ZNF268: variants seen among roughly 807,000 people sequenced by gnomAD.
ZNF268 encodes zinc finger protein 3.
In ZNF268, 20 loss-of-function variants were observed where a neutral mutation model predicts 29.3. That is an observed-to-expected ratio of 0.68 (90% CI 0.48 to 0.99). The LOEUF is 0.99. Among genes scored for constraint, ZNF268 ranks in the 50% least tolerant of loss-of-function variants. The pLI is 0.00. For missense variants in ZNF268, 1,240 were observed against 1,121.6 expected (o/e 1.11, Z -1.51); for synonymous variants, 429 against 376.9 (o/e 1.14, Z -1.60).
Position 133,205,545 on chromosome 12 carries a change from C to G in ZNF268, c.*1015C>G, listed in dbSNP as rs1163301130. ...TGACAATATCATCTTCCAGAGATTT[C>G]TACTCTGCATACCAACATTGTTTCT... On this transcript the variant is annotated 3_prime_UTR_variant, in exon 6 of 6. Transcript: ENST00000536435. 3 of 152,152 alleles carry G rather than the reference C, an allele frequency of 2.0e-5. No homozygotes were observed. Among genetic ancestry groups the G allele is most frequent in the African/African-American group, 7.2e-5 (3 of 41,432 alleles). The allele number at this position is 152,152 out of a possible 1,614,324, so 9.4% of individuals were successfully genotyped here.
chr12:133,190,443 A>T (rs113255806), intron 3 of ZNF268, among the ~76,000 whole-genome samples: 1,529 of 152,298 alleles, frequency 0.01, 32 homozygotes, highest in African/African-American at 0.035. Flanking sequence ...CTATTGCTCC[A>T]CATCCTCTCC....
intron 2 of ZNF268, among the ~76,000 whole-genome samples, chr12:133,184,296 G>T (rs538426710): frequency 4.0e-5 from 6 of 151,894 alleles, no homozygotes; most frequent in African/African-American, 1.4e-4. Flanking sequence ...TAGTAGAGAC[G>T]TGGTTTCATT....
At chr12:133,199,924 T>TTTTTTTC (rs1432305774) in intron 5 of ZNF268, among the ~76,000 whole-genome samples, 4 of 147,868 alleles carry the variant, frequency 2.7e-5, no homozygotes, top group East Asian at 2.2e-4. Flanking sequence ...ATTCTTCTCT[T>TTTTTTTC]TTTATTAGTC....
chr12:133,202,784 G>A lies in ZNF268; in HGVS notation c.1098G>A (p.Gly366=). ...ATCCCTATGAGTGCTGTGAATGTGG[G>A]AAAGTCTTCAGTAGGAAAGACCAGC... is the stretch of plus-strand genomic sequence containing the variant. ...GENPYECCEC[G]KVFSRKDQLV... is the part of the protein sequence containing the mutation. Residue 366 remains glycine (G), a synonymous_variant, in exon 6 of 6, where the codon GGG becomes GGA. Transcript: ENST00000536435. The A allele has an allele frequency of 1.2e-6, 2 of 1,610,062 alleles. No individual in the cohort carries two copies. The highest frequency in any genetic ancestry group is 1.7e-6 in the Non-Finnish European group (2 of 1,179,138).
At chr12:133,188,875 T>G (rs1159832610) in intron 3 of ZNF268, among the ~76,000 whole-genome samples, 2 of 152,200 alleles carry the variant, frequency 1.3e-5, no homozygotes, top group African/African-American at 4.8e-5. Flanking sequence ...TGCTTACTTT[T>G]GATGAACAGA....
intron 5 of ZNF268, 118 bp downstream of exon 5, chr12:133,192,121 T>A: frequency 1.2e-6 from 1 of 856,038 alleles, no homozygotes; most frequent in East Asian, 2.7e-5. Context: ...TTTTTTTTTT[T>A]TTTTGAGACA....
intron 1 of ZNF268, 23 bp from the exon 2 acceptor site, chr12:133,181,923 C>T: frequency 6.6e-7 from 1 of 1,515,052 alleles, no homozygotes; most frequent in Non-Finnish European, 9.0e-7. Flanking sequence ...TGACCTCTTT[C>T]TTCACTGTGC....
rs1957013599 is a variant in ZNF268 at position 133,213,415 on chromosome 12, G to C, written c.*8885G>C. On this transcript the variant is annotated 3_prime_UTR_variant, in exon 6 of 6. Coordinates refer to ENST00000536435, the MANE Select transcript of ZNF268 (RefSeq NM_003415.3). ...AAAGTGAAAAGGAGCTGGGTGTGGTGGCTCACGCCTGTAATTCCAGCACTT... is the reference window on the plus strand; with the variant it reads ...AAAGTGAAAAGGAGCTGGGTGTGGTCGCTCACGCCTGTAATTCCAGCACTT... 1 of 152,168 alleles carries C rather than the reference G, an allele frequency of 6.6e-6. No homozygotes were observed. The highest frequency in any genetic ancestry group is 2.4e-5 in the African/African-American group (1 of 41,428). 9.4% of individuals were successfully genotyped at this position (152,168 alleles called of 1,614,324 possible). A position where few individuals can be genotyped will look rare whatever the true frequency, so the allele number is the denominator to read the frequency against.
In ZNF268 at chr12:133,202,331, C is replaced by A; in HGVS notation, c.645C>A (p.Phe215Leu). The A allele has an allele frequency of 1.2e-6, 2 of 1,611,708 alleles. No homozygotes were observed. The highest frequency in any genetic ancestry group is 1.7e-6 in the Non-Finnish European group (2 of 1,178,892). Residue 215 changes from phenylalanine (F) to leucine (L), a missense_variant, in exon 6 of 6, where the codon TTC (phenylalanine) becomes TTA (leucine). Around this residue, in one of 3 missense-constraint regions of ZNF268, gnomAD observed 1,177 missense variants for 1,039.6 expected, o/e 1.13. Transcript: ENST00000536435. The stretch of plus-strand genomic sequence containing the variant: ...GAAAGAGTTTGAAATATATAGATTT[C>A]ACTAGTGATTATGCTAGAAATAATC... ...THGKSLKYID[F>L]TSDYARNNPN...
intron 5 of ZNF268, among the ~76,000 whole-genome samples, chr12:133,198,106 G>A (rs564540147): frequency 2.0e-5 from 3 of 151,468 alleles, no homozygotes; most frequent in Non-Finnish European, 4.4e-5. Context: ...TGAAGTCCTT[G>A]CCCATGCCTA....
chr12:133,202,148 A>G lies in ZNF268; in HGVS notation c.462A>G (p.Thr154=). The change falls in exon 6 of 6, where the codon ACA becomes ACG. Residue 154 remains threonine (T), a synonymous_variant. Coordinates refer to ENST00000536435, the MANE Select transcript of ZNF268 (RefSeq NM_003415.3). The part of the protein sequence containing the change: ...AQVPNQTCPN[T]VWKIDDLMDW... ...ACCAATTGTTCTCATTTCTAGACAC[A>G]GTCTGGAAAATTGATGATCTTATGG... is the stretch of plus-strand genomic sequence containing the variant. The G allele has an allele frequency of 1.3e-6, 2 of 1,575,226 alleles. No individual in the cohort carries two copies. The highest frequency in any genetic ancestry group is 1.7e-6 in the Non-Finnish European group (2 of 1,161,584).
In ZNF268 at chr12:133,204,094, C is replaced by G. The variant is rs1271466937; in HGVS notation, c.2408C>G (p.Ser803Ter). 16 of 1,548,368 alleles carry G rather than the reference C, an allele frequency of 1.0e-5. No individual in the cohort carries two copies. The highest frequency in any genetic ancestry group is 1.4e-5 in the African/African-American group (1 of 73,068). ...SYLIIHMRTH[S>*]GEKPYECNEC... ...CTAATTATACACATGAGAACTCATT[C>G]AGGTGAAAAACCATATGAATGTAAT... Residue 803 changes from serine (S) to a stop codon, truncating the protein, a stop_gained, in exon 6 of 6, where the codon TCA becomes TGA. Coordinates refer to ENST00000536435, the MANE Select transcript of ZNF268 (RefSeq NM_003415.3). LOFTEE classifies it low-confidence loss of function (END_TRUNC).
rs1013385190 is a variant in ZNF268 at position 133,211,207 on chromosome 12, A to AT, written c.*6678dup. The AT allele has an allele frequency of 2.3e-5, 6 of 260,342 alleles. No individual in the cohort carries two copies. In the African/African-American group the frequency reaches 4.2e-4, roughly 18 times the overall value. 16.1% of individuals were successfully genotyped at this position (260,342 alleles called of 1,614,324 possible). A position where few individuals can be genotyped will look rare whatever the true frequency, so the allele number is the denominator to read the frequency against. ...CTGAAAAAGTGTTTGTATGCAAAAT[A>AT]TAAAAAAAAAACCCTAAAATTGAAC... On this transcript the variant is annotated 3_prime_UTR_variant, in exon 6 of 6. Transcript: ENST00000536435.
In ZNF268 at chr12:133,211,184, GAA is replaced by G. The variant is rs1290568731; in HGVS notation, c.*6658_*6659del. 2.9e-6 allele frequency: 1 copy of G among 340,300 alleles called. No homozygotes were observed. The highest frequency in any genetic ancestry group is 5.7e-6 in the Non-Finnish European group (1 of 174,080). The allele number at this position is 340,300 out of a possible 1,614,324, so 21.1% of individuals were successfully genotyped here. On this transcript the variant is annotated 3_prime_UTR_variant, in exon 6 of 6. Transcript: ENST00000536435. ...TGAATAAAATCATTCAAAAAAATCT[GAA>G]AAAGTGTTTGTATGCAAAATATAAA...
intron 3 of ZNF268, among the ~76,000 whole-genome samples, chr12:133,191,067 A>C (rs535142942): frequency 6.6e-6 from 1 of 152,172 alleles, no homozygotes; most frequent in Non-Finnish European, 1.5e-5. Flanking sequence ...CTGTAATCCT[A>C]GCACTTTGGG....
Position 133,208,546 on chromosome 12 carries a change from TGAG to T in ZNF268, c.*4021_*4023del, listed in dbSNP as rs1956938621. 6.6e-6 allele frequency: 1 copy of T among 152,336 alleles called. No individual in the cohort carries two copies. The highest frequency in any genetic ancestry group is 1.9e-4 in the East Asian group (1 of 5,174). The allele number at this position is 152,336 out of a possible 1,614,324, so 9.4% of individuals were successfully genotyped here. The stretch of plus-strand genomic sequence containing the variant: ...GGCAAGTGCCGGTAGTCCCACCTAC[TGAG>T]GAGGCTGAGGCAGGAGGTTAGCTTG... On this transcript the variant is annotated 3_prime_UTR_variant, in exon 6 of 6. Coordinates refer to ENST00000536435, the MANE Select transcript of ZNF268 (RefSeq NM_003415.3).
rs1956980308 is a variant in ZNF268, at chr12:133,211,489, G to C, written c.*6959G>C. 1 of 167,420 alleles carries C rather than the reference G, an allele frequency of 6.0e-6. No homozygotes were observed. The highest frequency in any genetic ancestry group is 5.9e-5 in the Admixed American group (1 of 17,042). The allele number at this position is 167,420 out of a possible 1,614,324, so 10.4% of individuals were successfully genotyped here. A position where few individuals can be genotyped will look rare whatever the true frequency, so the allele number is the denominator to read the frequency against. ...AAGTGGTAGCTACTCCGGAGGCGGA[G>C]GCAGGAGAATGGCTTGAACCCGGGA... On this transcript the variant is annotated 3_prime_UTR_variant, in exon 6 of 6. Transcript: ENST00000536435.
In ZNF268 at chr12:133,203,882, CT is replaced by C. The variant is rs1354199149; in HGVS notation, c.2199del (p.Phe733LeufsTer63). Reference sequence around the variant, plus strand: ...ATGAGTGCAGGGAATGCGGGAAATCCTTTAGTTTCAATTCACAACTCATTGT... The same window carrying C: ...ATGAGTGCAGGGAATGCGGGAAATCCTTAGTTTCAATTCACAACTCATTGT... ...PHECRECGKSFSFNSQLIVHQ... is the reference protein window; with the variant it reads ...PHECRECGKSXSFNSQLIVHQ... On this transcript the variant is annotated frameshift_variant, in exon 6 of 6. Transcript: ENST00000536435. LOFTEE classifies it low-confidence loss of function (END_TRUNC). The C allele has an allele frequency of 1.9e-6, 3 of 1,574,038 alleles. No homozygotes were observed. The highest frequency in any genetic ancestry group is 2.6e-6 in the Non-Finnish European group (3 of 1,163,852).
Position 133,181,895 on chromosome 12 carries a change from G to A in ZNF268, c.-52-51G>A, listed in dbSNP as rs1002475097. The stretch of plus-strand genomic sequence containing the variant: ...TGGTGCCTCGGACCCTCCCCCTCTG[G>A]GTTTGGGGACTGCTGGGTGACCTCT... On this transcript the variant is annotated intron_variant, in intron 1 of 5. Coordinates refer to ENST00000536435, the MANE Select transcript of ZNF268 (RefSeq NM_003415.3). The A allele has an allele frequency of 1.4e-5, 19 of 1,315,796 alleles. No homozygotes were observed. In the Admixed American group the frequency reaches 2.4e-4, roughly 17 times the overall value. 81.5% of individuals were successfully genotyped at this position (1,315,796 alleles called of 1,614,324 possible). A position where few individuals can be genotyped will look rare whatever the true frequency, so the allele number is the denominator to read the frequency against.
Sources: allele counts gnomAD v4.1 joint callset (sites outside exome capture counted in the v4.1 genomes callset), GRCh38; gene constraint gnomAD v4.1.1; regional missense constraint gnomAD v4.1.1; transcripts MANE v1.5; gene names NCBI Gene and HGNC (gene_info 2026-07-23, HGNC 2026-07-21).